Variants in ERCC4 observed in about 807,000 individuals in gnomAD.
The protein encoded by ERCC4 is ERCC excision repair 4, endonuclease catalytic subunit.
Under a neutral mutation model 76.9 loss-of-function variants are expected in ERCC4, and 65 were observed. The ratio of observed to expected loss-of-function variants is 0.84; its 90% CI spans 0.69 to 1.04. ERCC4 has a LOEUF of 1.04. Among genes scored for constraint, ERCC4 ranks in the 50% least tolerant of loss-of-function variants. The pLI, the probability that ERCC4 is intolerant of heterozygous loss-of-function variation, is 0.00. For missense variants in ERCC4, 1,214 were observed against 1,128.2 expected (o/e 1.08, Z -1.09); for synonymous variants, 463 against 410.1 (o/e 1.13, Z -1.56).
At chr16:13,946,023 C>T (rs374553617) in intron 10 of ERCC4, among the ~76,000 whole-genome samples, 2 of 152,220 alleles carry the variant, frequency 1.3e-5, no homozygotes, top group African/African-American at 4.8e-5. Flanking sequence ...CTGCATTCCT[C>T]CTGGAGGCTC....
chr16:13,931,955 G>A (rs2032180061), intron 5 of ERCC4: 4 of 584,290 alleles, frequency 6.8e-6, no homozygotes, highest in Non-Finnish European at 9.1e-6. Flanking sequence ...AAAATATCTT[G>A]GGGGCCCCTG....
At chr16:13,921,954 A>T in intron 1 of ERCC4, 77 bp from the exon 2 acceptor site, 1 of 878,448 alleles carries the variant, frequency 1.1e-6, no homozygotes, top group Non-Finnish European at 1.9e-6. Flanking sequence ...AAGACAGCAC[A>T]TTATTTTAAA....
intron 9 of ERCC4, among the ~76,000 whole-genome samples, chr16:13,940,926 A>G (rs1315599103): frequency 6.6e-6 from 1 of 152,232 alleles, no homozygotes; most frequent in African/African-American, 2.4e-5. Context: ...GGAGCCTGAT[A>G]GAATGGGAGG....
intron 9 of ERCC4, among the ~76,000 whole-genome samples, chr16:13,941,670 T>TA (rs1951651110): frequency 6.6e-6 from 1 of 152,212 alleles, no homozygotes; most frequent in Non-Finnish European, 1.5e-5. Context: ...AATATCATAA[T>TA]AATTTTATTT....
At chr16:13,921,950 G>A in intron 1 of ERCC4, 81 bp from the exon 2 acceptor site, 1 of 850,500 alleles carries the variant, frequency 1.2e-6, no homozygotes, top group Non-Finnish European at 2.0e-6. Context: ...GAGAAAGACA[G>A]CACATTATTT....
Position 13,946,067 on chromosome 16 carries a change from C to G in ERCC4, c.2017+1232C>G, listed in dbSNP as rs1296609317. Among the ~76,000 whole-genome samples, 3 of 152,200 alleles carry G rather than the reference C, an allele frequency of 2.0e-5. No individual in the cohort carries two copies. The East Asian group carries it at 5.8e-4, about 29-fold the overall frequency. The stretch of plus-strand genomic sequence containing the variant: ...AATCCCTTTCCTGGCCTTTTCCAGC[C>G]TCTAGAGGCCACCTGATTTCCTTAG... On this transcript the variant is annotated intron_variant, in intron 10 of 10. Coordinates refer to ENST00000311895, the MANE Select transcript of ERCC4 (RefSeq NM_005236.3).
intron 2 of ERCC4, among the ~76,000 whole-genome samples, chr16:13,926,103 A>T (rs1247015531): frequency 6.6e-6 from 1 of 152,090 alleles, no homozygotes; most frequent in South Asian, 2.1e-4. Flanking sequence ...TATAGTCCAC[A>T]TCTGATTCAT....
rs2032158186 is a variant in ERCC4, at chr16:13,930,815, C to T, written c.898C>T (p.Gln300Ter). 1 of 1,612,606 alleles carries T rather than the reference C, an allele frequency of 6.2e-7. No individual in the cohort carries two copies. The highest frequency in any genetic ancestry group is 1.3e-5 in the African/African-American group (1 of 74,896). Residue 300 changes from glutamine (Q) to a stop codon, truncating the protein, a stop_gained, in exon 5 of 11, where the codon CAG (glutamine) becomes TAG (stop). Coordinates refer to ENST00000311895, the MANE Select transcript of ERCC4 (RefSeq NM_005236.3). LOFTEE classifies it high-confidence loss of function. ...ILRTLLQYLS[Q>*]YDCVTFLNLL... is the part of the protein sequence containing the mutation. ...ACGAACTTTGCTGCAGTATCTCTCT[C>T]AGTATGATTGTGTCACATTTCTTAA...
At chr16:13,925,002 G>A (rs1159955915) in intron 2 of ERCC4, among the ~76,000 whole-genome samples, 1 of 152,206 alleles carries the variant, frequency 6.6e-6, no homozygotes, top group African/African-American at 2.4e-5. Context: ...TTGAGTTGGT[G>A]TGACTAAATA....
Position 13,935,347 on chromosome 16 carries a change from C to T in ERCC4, c.1415C>T (p.Pro472Leu), listed in dbSNP as rs572439259. 7.3e-5 allele frequency: 117 copies of T among 1,610,020 alleles called. No individual in the cohort carries two copies. The Admixed American group carries it at 1.9e-3, about 26-fold the overall frequency. ...IRKSHKRPKD[P>L]QNKERASTKE... ...AAATCTCACAAAAGACCTAAAGACCCCCAAAACAAAGAACGGGCTTCTACC... is the reference window on the plus strand; with the variant it reads ...AAATCTCACAAAAGACCTAAAGACCTCCAAAACAAAGAACGGGCTTCTACC... The change falls in exon 8 of 11, where the codon CCC (proline) becomes CTC (leucine). Residue 472 changes from proline to leucine, a missense_variant. By Grantham distance (98) the Pro-to-Leu change is moderately conservative. Transcript: ENST00000311895.
chr16:13,922,169 G>A lies in ERCC4; in HGVS notation c.346G>A (p.Val116Ile), dbSNP rs763811136. ...ATTTGCGACAAGTAGGATACTTGTG[G>A]TTGACTTCTTGACTGATAGAATACC... ...VIFATSRILV[V>I]DFLTDRIPSD... is the part of the protein sequence containing the mutation. Residue 116 changes from valine (V) to isoleucine (I), a missense_variant, in exon 2 of 11, where the codon GTT (valine) becomes ATT (isoleucine). Val to Ile is a conservative substitution (Grantham distance 29, BLOSUM62 3). Coordinates refer to ENST00000311895, the MANE Select transcript of ERCC4 (RefSeq NM_005236.3). The A allele has an allele frequency of 7.4e-5, 119 of 1,612,906 alleles. No individual in the cohort carries two copies. Among genetic ancestry groups the A allele is most frequent in the Admixed American group, 1.3e-4 (8 of 59,984 alleles).
intron 4 of ERCC4, among the ~76,000 whole-genome samples, chr16:13,929,698 G>A (rs1364753338): frequency 6.6e-6 from 1 of 152,210 alleles, no homozygotes; most frequent in Non-Finnish European, 1.5e-5. Flanking sequence ...GGGTGCGGTG[G>A]CTCACGCCTG....
chr16:13,928,275 A>AT, intron 4 of ERCC4, 40 bp downstream of exon 4: 1 of 1,324,838 alleles, frequency 7.5e-7, no homozygotes, highest in Non-Finnish European at 1.1e-6. Context: ...TTATGTTGTA[A>AT]TTTTAAAGAA....
Position 13,935,693 on chromosome 16 carries a change from T to TGTTC in ERCC4, c.1763_1766dup (p.Gln590SerfsTer4). ...TTCTTTATGACGCAGAGCTAACCTTTGTTCGGCAGCTTGAAATTTACAGGG... is the reference window on the plus strand; with the variant it reads ...TTCTTTATGACGCAGAGCTAACCTTTGTTCGTTCGGCAGCTTGAAATTTACAGGG... On this transcript the variant is annotated frameshift_variant, in exon 8 of 11. Coordinates refer to ENST00000311895, the MANE Select transcript of ERCC4 (RefSeq NM_005236.3). LOFTEE classifies it high-confidence loss of function. 6.2e-7 allele frequency: 1 copy of TGTTC among 1,614,182 alleles called. No individual in the cohort carries two copies. Among genetic ancestry groups the TGTTC allele is most frequent in the Non-Finnish European group, 8.5e-7 (1 of 1,180,034 alleles).
chr16:13,942,066 TTAAAA>T lies in ERCC4; in HGVS notation c.1905-2647_1905-2643del, dbSNP rs550092309. ...GAATCCATCTCAATTTGTTTAAAAA[TTAAAA>T]TAAAATAAATTTTAATAAAAATACC... On this transcript the variant is annotated intron_variant, in intron 9 of 10. Coordinates refer to ENST00000311895, the MANE Select transcript of ERCC4 (RefSeq NM_005236.3). Among the ~76,000 whole-genome samples, 782 of 152,258 alleles carry T rather than the reference TTAAAA, an allele frequency of 5.1e-3. 5 individuals are homozygous for T. Among genetic ancestry groups the T allele is most frequent in the Non-Finnish European group, 5.7e-3 (390 of 68,012 alleles).
chr16:13,939,682 A>G (rs1417576311), intron 9 of ERCC4, among the ~76,000 whole-genome samples: 2 of 152,156 alleles, frequency 1.3e-5, no homozygotes, highest in African/African-American at 4.8e-5. Flanking sequence ...GTATGTTTGT[A>G]AAGGCTTTCT....
intron 10 of ERCC4, 128 bp from the exon 11 acceptor site, chr16:13,947,486 G>A: frequency 9.8e-7 from 1 of 1,017,184 alleles, no homozygotes; most frequent in Non-Finnish European, 1.5e-6. Flanking sequence ...AAATTATATG[G>A]AATATTACCA....
rs760327512 is a variant in ERCC4, at chr16:13,922,112, C to T, written c.289C>T (p.Arg97Cys). 6.2e-6 allele frequency: 10 copies of T among 1,613,246 alleles called. No individual in the cohort carries two copies. In the South Asian group the frequency reaches 7.7e-5, roughly 12 times the overall value. ...RVTNEITSNSRYEVYTQGGVI... is the reference protein window; with the variant it reads ...RVTNEITSNSCYEVYTQGGVI... ...AACAAATGAAATCACAAGCAACAGT[C>T]GCTATGAAGTTTACACACAAGGTGG... The change falls in exon 2 of 11, where the codon CGC becomes TGC. Residue 97 changes from arginine to cysteine, a missense_variant. By Grantham distance (180) the Arg-to-Cys change is radical. Coordinates refer to ENST00000311895, the MANE Select transcript of ERCC4 (RefSeq NM_005236.3).
At chr16:13,946,706 C>T (rs966785084) in intron 10 of ERCC4, among the ~76,000 whole-genome samples, 2 of 152,080 alleles carry the variant, frequency 1.3e-5, no homozygotes, top group African/African-American at 4.8e-5. Context: ...ATTCTTAGAC[C>T]CCTTAGATCT....
Sources: gnomAD v4.1 joint callset for allele counts (sites outside exome capture counted in the v4.1 genomes callset) on GRCh38, gnomAD v4.1.1 for gene constraint, MANE v1.5 for transcripts, NCBI Gene and HGNC (gene_info 2026-07-23, HGNC 2026-07-21) for gene names.